Variants in GPC5 observed in about 807,000 individuals in gnomAD.
GPC5 encodes the protein glypican-5.
GPC5 carries 47 observed loss-of-function variants against 53.9 expected under a neutral mutation model. The ratio of observed to expected loss-of-function variants is 0.87; its 90% confidence interval spans 0.69 to 1.11. The LOEUF is 1.11. Ranked by LOEUF, GPC5 falls within the 50% of genes most tolerant of loss-of-function variation. The probability of loss-of-function intolerance (pLI) is 0.00; values close to 1 mark genes in which losing one functional copy is unlikely to be tolerated. For missense variants in GPC5, 748 were observed against 713.1 expected, an observed-to-expected ratio of 1.05 and a Z score of -0.56; for synonymous variants, 286 against 263.3, an observed-to-expected ratio of 1.09 and a Z score of -0.84.
At chr13:92,160,207 C>T (rs192429492) in intron 7 of GPC5, among the ~76,000 whole-genome samples, 1 of 152,164 alleles carries the variant, frequency 6.6e-6, no homozygotes, top group African/African-American at 2.4e-5. Flanking sequence ...TATCTATGTT[C>T]TTTTACATCC....
chr13:91,789,891 G>A (rs187288494), intron 5 of GPC5, among the ~76,000 whole-genome samples: 370 of 152,184 alleles, frequency 2.4e-3, no homozygotes, highest in Non-Finnish European at 3.7e-3. Context: ...AAAACACAGC[G>A]GAGAAATAGA....
intron 1 of GPC5, among the ~76,000 whole-genome samples, chr13:91,420,042 A>T (rs930763288): frequency 4.6e-5 from 7 of 152,176 alleles, no homozygotes; most frequent in Non-Finnish European, 8.8e-5. Flanking sequence ...GCAAGGAAGG[A>T]TCCTGGGGAG....
At chr13:92,480,692 C>T (rs375807307) in intron 7 of GPC5, among the ~76,000 whole-genome samples, 1 of 152,164 alleles carries the variant, frequency 6.6e-6, no homozygotes, top group South Asian at 2.1e-4. Context: ...AAGCCCCTCC[C>T]CAGAGATGAC....
chr13:91,495,302 G>T (rs1367567198), intron 2 of GPC5, among the ~76,000 whole-genome samples: 1 of 152,122 alleles, frequency 6.6e-6, no homozygotes, highest in African/African-American at 2.4e-5. Context: ...GTGTTGCCTG[G>T]CCTCCCAGTT....
intron 7 of GPC5, among the ~76,000 whole-genome samples, chr13:92,842,838 A>G (rs1400266271): frequency 2.0e-5 from 3 of 152,182 alleles, no homozygotes; most frequent in Non-Finnish European, 2.9e-5. Context: ...ACAATTGTCA[A>G]AATAAAAATG....
At chr13:91,756,481 T>A in intron 5 of GPC5, 61 bp downstream of exon 5, 1 of 1,385,714 alleles carries the variant, frequency 7.2e-7, no homozygotes. Context: ...TTTTTCTGAA[T>A]CTTAAGGGGA....
chr13:92,211,610 A>AG, intron 7 of GPC5, among the ~76,000 whole-genome samples: 1 of 152,350 alleles, frequency 6.6e-6, no homozygotes, highest in Non-Finnish European at 1.5e-5. Flanking sequence ...GTCTGGGGAC[A>AG]GAAATGTGAA....
chr13:92,159,213 T>A (rs78635476), intron 7 of GPC5, among the ~76,000 whole-genome samples: 7 of 152,194 alleles, frequency 4.6e-5, no homozygotes, highest in African/African-American at 1.7e-4. Context: ...TATACTTTTA[T>A]TTTTTTCTGC....
At chr13:91,589,693 C>T (rs931704070) in intron 2 of GPC5, among the ~76,000 whole-genome samples, 2 of 152,064 alleles carry the variant, frequency 1.3e-5, no homozygotes, top group Non-Finnish European at 2.9e-5. Context: ...ACTTCATCAT[C>T]TTAGATTTAC....
intron 7 of GPC5, among the ~76,000 whole-genome samples, chr13:92,330,454 T>A (rs9523630): frequency 0.41 from 61,638 of 151,966 alleles, 12,648 homozygotes; most frequent in Middle Eastern, 0.52. Context: ...TGTATATTGT[T>A]ATCCTTATGT....
chr13:92,681,155 C>T (rs182320502), intron 7 of GPC5, among the ~76,000 whole-genome samples: 1 of 151,468 alleles, frequency 6.6e-6, no homozygotes, highest in East Asian at 1.9e-4. Flanking sequence ...ATCGACATGG[C>T]CTTCAGTAAG....
Position 91,512,873 on chromosome 13 carries a change from T to C in GPC5, c.325+63951T>C, listed in dbSNP as rs573284080. ...GTTCTGTGATGTGTGTTTTAATCTA[T>C]AGTTTTACAGCTTATCCAGCTTGGT... is the stretch of plus-strand genomic sequence containing the variant. On this transcript the variant is annotated intron_variant, in intron 2 of 7. Coordinates refer to ENST00000377067, the MANE Select transcript of GPC5 (RefSeq NM_004466.6). Among the ~76,000 whole-genome samples the C allele has an allele frequency of 3.3e-5, 5 of 152,336 alleles. 1 individual carries two copies. The South Asian group carries it at 6.2e-4, about 19-fold the overall frequency.
At chr13:92,652,071 T>C (rs527474313) in intron 7 of GPC5, among the ~76,000 whole-genome samples, 29 of 152,272 alleles carry the variant, frequency 1.9e-4, no homozygotes, top group African/African-American at 7.0e-4. Flanking sequence ...ACATTAAAGA[T>C]AGCAATAATA....
chr13:92,814,059 T>C (rs994009851), intron 7 of GPC5, among the ~76,000 whole-genome samples: 1 of 152,000 alleles, frequency 6.6e-6, no homozygotes, highest in African/African-American at 2.4e-5. Context: ...CAGAATTAAG[T>C]GCACAGAACC....
intron 7 of GPC5, among the ~76,000 whole-genome samples, chr13:92,312,865 T>A (rs1424230930): frequency 6.6e-6 from 1 of 152,220 alleles, no homozygotes; most frequent in Non-Finnish European, 1.5e-5. Context: ...ATTTCTGAAA[T>A]GTCATCCGTG....
intron 7 of GPC5, among the ~76,000 whole-genome samples, chr13:92,408,696 C>A (rs1411806656): frequency 6.6e-6 from 1 of 151,784 alleles, no homozygotes; most frequent in Non-Finnish European, 1.5e-5. Flanking sequence ...TACATGCACA[C>A]ATTTTTCTAT....
chr13:92,328,845 TA>T (rs1233219426), intron 7 of GPC5, among the ~76,000 whole-genome samples: 1 of 152,166 alleles, frequency 6.6e-6, no homozygotes, highest in African/African-American at 2.4e-5. Flanking sequence ...TTTTCACTGT[TA>T]TTATTTTTAA....
intron 7 of GPC5, among the ~76,000 whole-genome samples, chr13:92,513,681 C>T (rs2138956620): frequency 6.6e-6 from 1 of 152,052 alleles, no homozygotes; most frequent in South Asian, 2.1e-4. Flanking sequence ...GTGTCTCAGA[C>T]TTCAGGTTTT....
chr13:92,724,333 T>TA (rs1481171203), intron 7 of GPC5, among the ~76,000 whole-genome samples: 2 of 151,762 alleles, frequency 1.3e-5, no homozygotes, highest in Non-Finnish European at 3.0e-5. Context: ...AATGTGTTAA[T>TA]AAAAACAAAC....
Sources: gnomAD v4.1 joint callset for allele counts (sites outside exome capture counted in the v4.1 genomes callset) on GRCh38, gnomAD v4.1.1 for gene constraint, MANE v1.5 for transcripts, NCBI Gene and HGNC (gene_info 2026-07-23, HGNC 2026-07-21) for gene names.